RBMS1: variants seen among roughly 807,000 people sequenced by gnomAD.
RBMS1 encodes the protein RNA binding motif single stranded interacting protein 1, also known as RNA-binding motif, single-stranded-interacting protein 1.
RBMS1 carries 17 observed loss-of-function variants against 62.3 expected under a neutral mutation model. The observed-to-expected ratio is 0.27, with a 90% CI of 0.19 to 0.41. RBMS1 has a LOEUF of 0.41. Ranked by LOEUF, RBMS1 falls within the 10% of genes least tolerant of loss-of-function variation. The pLI, the probability that RBMS1 is intolerant of heterozygous loss-of-function variation, is 1.00. For missense variants in RBMS1, 334 were observed against 504.5 expected (o/e 0.66, Z 3.24); for synonymous variants, 172 against 170.0 (o/e 1.01, Z -0.09).
intron 4 of RBMS1, among the ~76,000 whole-genome samples, chr2:160,304,371 T>C (rs190521663): frequency 4.0e-5 from 6 of 149,498 alleles, no homozygotes; most frequent in Admixed American, 6.7e-5. Flanking sequence ...AAAAGTCATG[T>C]AAATTTTGCA....
At chr2:160,377,760 C>T (rs1450425036) in intron 1 of RBMS1, among the ~76,000 whole-genome samples, 1 of 152,138 alleles carries the variant, frequency 6.6e-6, no homozygotes, top group Non-Finnish European at 1.5e-5. Flanking sequence ...GCAAAGGGAG[C>T]TTGGCTTTGA....
rs114202370 is a variant in RBMS1, at chr2:160,345,558, C to T, written c.251+21658G>A. ...AAGACTGGCTTGTAAGCAACCCTTG[C>T]TGGTAACTGGTAGGTCCAAGGTCCG... On this transcript the variant is annotated intron_variant, in intron 2 of 13. Coordinates refer to ENST00000348849, the MANE Select transcript of RBMS1 (RefSeq NM_016836.4). Among the ~76,000 whole-genome samples the T allele has an allele frequency of 4.8e-3, 725 of 152,248 alleles. 10 individuals carry two copies. The highest frequency in any genetic ancestry group is 0.017 in the African/African-American group (697 of 41,546).
intron 2 of RBMS1, among the ~76,000 whole-genome samples, chr2:160,359,422 C>T (rs1212390636): frequency 6.6e-6 from 1 of 152,118 alleles, no homozygotes; most frequent in Admixed American, 6.5e-5. Context: ...TGGACTGAGT[C>T]AAGTCATTTG....
intron 1 of RBMS1, among the ~76,000 whole-genome samples, chr2:160,445,227 T>G (rs186827420): frequency 6.6e-6 from 1 of 152,234 alleles, no homozygotes; most frequent in Non-Finnish European, 1.5e-5. Flanking sequence ...TTTTTTAATA[T>G]TCACATCAAT....
intron 2 of RBMS1, among the ~76,000 whole-genome samples, chr2:160,332,819 C>T (rs1559396328): frequency 6.6e-6 from 1 of 151,124 alleles, no homozygotes; most frequent in Non-Finnish European, 1.5e-5. Context: ...AGCTTCTTTA[C>T]ATGACATGGT....
At chr2:160,489,888 A>C (rs987293278) in intron 1 of RBMS1, among the ~76,000 whole-genome samples, 12 of 152,154 alleles carry the variant, frequency 7.9e-5, no homozygotes, top group African/African-American at 2.7e-4. Context: ...GTAGCTAACT[A>C]ATCATGGAAA....
At chr2:160,338,811 G>A (rs758207047) in intron 2 of RBMS1, among the ~76,000 whole-genome samples, 3 of 152,218 alleles carry the variant, frequency 2.0e-5, no homozygotes, top group Non-Finnish European at 4.4e-5. Flanking sequence ...GCACAGAGGA[G>A]CCTCTGATAA....
At chr2:160,357,725 T>G (rs1692881051) in intron 2 of RBMS1, among the ~76,000 whole-genome samples, 1 of 152,112 alleles carries the variant, frequency 6.6e-6, no homozygotes, top group Non-Finnish European at 1.5e-5. Context: ...AAGGTTTTGT[T>G]CTAATTGTGT....
intron 6 of RBMS1, among the ~76,000 whole-genome samples, chr2:160,289,512 T>C (rs2105939470): frequency 6.6e-6 from 1 of 152,334 alleles, no homozygotes; most frequent in African/African-American, 2.4e-5. Context: ...TCTTTAAAAT[T>C]CTCTTTGGTC....
intron 1 of RBMS1, among the ~76,000 whole-genome samples, chr2:160,469,348 C>T (rs1279944788): frequency 6.6e-6 from 1 of 152,160 alleles, no homozygotes; most frequent in East Asian, 1.9e-4. Flanking sequence ...CAGAGCTTCC[C>T]GCCTGGGGCT....
At chr2:160,335,735 C>T (rs1025031105) in intron 2 of RBMS1, among the ~76,000 whole-genome samples, 2 of 152,130 alleles carry the variant, frequency 1.3e-5, no homozygotes, top group African/African-American at 4.8e-5. Context: ...TTATATACTT[C>T]CAAAACTACA....
rs532573385 is a variant in RBMS1, at chr2:160,305,980, T to A, written c.403-2493A>T. ...TGAGACCTCATCTCTTAAAAAAAAG[T>A]CAGCGAGATGTAGTGGTGCCCATCT... On this transcript the variant is annotated intron_variant, in intron 4 of 13. Transcript: ENST00000348849. Among the ~76,000 whole-genome samples the A allele has an allele frequency of 2.6e-5, 4 of 151,986 alleles. No individual in the cohort carries two copies. In the East Asian group the frequency reaches 7.7e-4, roughly 29 times the overall value.
intron 2 of RBMS1, among the ~76,000 whole-genome samples, chr2:160,321,724 C>T (rs767092084): frequency 1.3e-5 from 2 of 152,168 alleles, no homozygotes; most frequent in South Asian, 2.1e-4. Flanking sequence ...CTACCAAGCT[C>T]GGGGTCCTCG....
chr2:160,354,319 C>T (rs1055681989), intron 2 of RBMS1, among the ~76,000 whole-genome samples: 2 of 152,020 alleles, frequency 1.3e-5, no homozygotes, highest in African/African-American at 4.8e-5. Flanking sequence ...TGCTGTCAAA[C>T]TTAAACTAAG....
At chr2:160,477,887 G>C (rs1382788230) in intron 1 of RBMS1, among the ~76,000 whole-genome samples, 1 of 152,166 alleles carries the variant, frequency 6.6e-6, no homozygotes, top group Non-Finnish European at 1.5e-5. Flanking sequence ...AACAAGTAAA[G>C]GAAGTCCAAG....
intron 10 of RBMS1, among the ~76,000 whole-genome samples, chr2:160,280,716 T>C (rs1427402426): frequency 1.3e-5 from 2 of 152,212 alleles, no homozygotes; most frequent in Non-Finnish European, 2.9e-5. Flanking sequence ...GTTCTCCATA[T>C]GTATTTTTAA....
intron 1 of RBMS1, among the ~76,000 whole-genome samples, chr2:160,442,656 G>A (rs952192313): frequency 1.5e-4 from 23 of 152,062 alleles, no homozygotes; most frequent in African/African-American, 5.6e-4. Flanking sequence ...AAGACTCTTA[G>A]GTTCTAATTT....
chr2:160,468,275 A>C (rs7425305), intron 1 of RBMS1, among the ~76,000 whole-genome samples: 113,172 of 152,060 alleles, frequency 0.74, 42,560 homozygotes, highest in Admixed American at 0.82. Flanking sequence ...TGAGTAACAA[A>C]GGTTTCAAAG....
chr2:160,436,780 A>G (rs1371920177), intron 1 of RBMS1, among the ~76,000 whole-genome samples: 1 of 152,130 alleles, frequency 6.6e-6, no homozygotes. Flanking sequence ...CCAGACAGAA[A>G]GCTCATCCCT....
Sources: gnomAD v4.1 joint callset for allele counts (sites outside exome capture counted in the v4.1 genomes callset) on GRCh38, gnomAD v4.1.1 for gene constraint, MANE v1.5 for transcripts, NCBI Gene and HGNC (gene_info 2026-07-23, HGNC 2026-07-21) for gene names.